The following CSMD2 variants were observed in gnomAD, a reference collection of about 807,000 sequenced individuals.
CSMD2 encodes CUB and Sushi multiple domains 2.
In CSMD2, 130 loss-of-function variants were observed where a neutral mutation model predicts 398.5. The observed-to-expected ratio is 0.33, with a 90% CI of 0.28 to 0.38. CSMD2 has a LOEUF of 0.38. Among genes scored for constraint, CSMD2 ranks in the 10% least tolerant of loss-of-function variants. The pLI is 1.00. For synonymous variants in CSMD2, 1,828 were observed against 1,908.5 expected (o/e 0.96, Z 1.10); for missense variants, 3,829 against 4,764.9 (o/e 0.80, Z 5.78).
chr1:33,796,134 C>A (rs1419309883), intron 10 of CSMD2, among the ~76,000 whole-genome samples: 4 of 152,226 alleles, frequency 2.6e-5, no homozygotes, highest in Non-Finnish European at 5.9e-5. Context: ...GGCCTGTAGG[C>A]TATAGTTTGC....
intron 3 of CSMD2, among the ~76,000 whole-genome samples, chr1:33,953,065 G>A (rs1294573840): frequency 1.3e-5 from 2 of 152,242 alleles, no homozygotes; most frequent in Non-Finnish European, 2.9e-5. Flanking sequence ...CACACAGCTA[G>A]ACAACCTTTC....
At chr1:33,976,025 C>G (rs568447328) in intron 3 of CSMD2, among the ~76,000 whole-genome samples, 2 of 152,214 alleles carry the variant, frequency 1.3e-5, no homozygotes, top group African/African-American at 4.8e-5. Flanking sequence ...GTTATATCCT[C>G]ACATATTTCA....
intron 2 of CSMD2, among the ~76,000 whole-genome samples, chr1:34,062,977 C>T (rs953784242): frequency 3.3e-5 from 5 of 152,134 alleles, no homozygotes; most frequent in African/African-American, 1.2e-4. Flanking sequence ...AAAGGCACTT[C>T]TTACATGGCG....
Position 33,866,286 on chromosome 1 carries a change from C to T in CSMD2, c.921-19290G>A, listed in dbSNP as rs533607549. Among the ~76,000 whole-genome samples, 8 of 152,296 alleles carry T rather than the reference C, an allele frequency of 5.3e-5. No homozygotes were observed. The East Asian group carries it at 1.2e-3, about 22-fold the overall frequency. On this transcript the variant is annotated intron_variant, in intron 5 of 70. Coordinates refer to ENST00000373381, the MANE Select transcript of CSMD2 (RefSeq NM_001281956.2). ...ACATTACGCACTACTGCTAAGTTCC[C>T]GCCCTATAAAAAATTTCCTTCTGAC...
intron 68 of CSMD2, among the ~76,000 whole-genome samples, chr1:33,520,548 C>T (rs931582647): frequency 2.0e-5 from 3 of 152,194 alleles, no homozygotes. Flanking sequence ...TTTTCTAAGG[C>T]CTTTGCAGCG....
At chr1:33,605,238 C>A in intron 42 of CSMD2, 44 bp downstream of exon 42, 1 of 1,576,806 alleles carries the variant, frequency 6.3e-7, no homozygotes, top group Non-Finnish European at 8.7e-7. Context: ...CCAGTCTCCA[C>A]GAGTACCCCA....
chr1:33,717,102 G>A (rs1295069150), intron 19 of CSMD2, among the ~76,000 whole-genome samples: 1 of 152,036 alleles, frequency 6.6e-6, no homozygotes. Context: ...AGTGTCCCAG[G>A]CAGGAGACCC....
rs549017762 is a variant in CSMD2, at chr1:33,726,567, G to C, written c.2487C>G (p.Pro829=). Residue 829 remains proline, a synonymous_variant, in exon 16 of 71, where the codon CCC becomes CCG. Coordinates refer to ENST00000373381, the MANE Select transcript of CSMD2 (RefSeq NM_001281956.2). ...AWVIEAQPGY[P]IKITFDRFKT... ...AGCACCTGTCGAAGGTGATTTTGAT[G>C]GGGTAGCCTGGCTGGGCCTCAATCA... 2.5e-6 allele frequency: 4 copies of C among 1,611,518 alleles called. No individual in the cohort carries two copies. Among genetic ancestry groups the C allele is most frequent in the African/African-American group, 1.3e-5 (1 of 75,014 alleles).
chr1:33,820,399 GC>G, intron 8 of CSMD2, 69 bp downstream of exon 8: 1 of 994,058 alleles, frequency 1.0e-6, no homozygotes. Context: ...AGGAAGGCCA[GC>G]CCCTGTCTTC....
At chr1:33,612,198 C>T (rs1447165224) in intron 40 of CSMD2, among the ~76,000 whole-genome samples, 4 of 152,180 alleles carry the variant, frequency 2.6e-5, no homozygotes, top group East Asian at 1.9e-4. Context: ...TAGTGATTAT[C>T]GCTGCACGAT....
At chr1:33,558,677 AG>A (rs1324958813) in intron 54 of CSMD2, among the ~76,000 whole-genome samples, 1 of 152,208 alleles carries the variant, frequency 6.6e-6, no homozygotes, top group African/African-American at 2.4e-5. Flanking sequence ...AGCCTCTAAA[AG>A]CGTTAGAAGC....
At chr1:33,554,192 T>G (rs1657742381) in intron 55 of CSMD2, among the ~76,000 whole-genome samples, 1 of 138,966 alleles carries the variant, frequency 7.2e-6, no homozygotes, top group Non-Finnish European at 1.6e-5. Flanking sequence ...AGCCTTTTTT[T>G]TTTTTTTTTT....
At position 33,690,394 on chromosome 1, in the gene CSMD2, C is replaced by T. The variant is rs979789244; in HGVS notation, c.4052+2536G>A. ...TTTTCCAGAATAACTTCTCCCATCT[C>T]CTCCTGTCCTGCTTTTTCATTCCCC... On this transcript the variant is annotated intron_variant, in intron 25 of 70. Transcript: ENST00000373381. Among the ~76,000 whole-genome samples the T allele has an allele frequency of 8.9e-4, 136 of 152,296 alleles. 1 individual carries two copies. Among genetic ancestry groups the T allele is most frequent in the African/African-American group, 3.1e-3 (128 of 41,564 alleles).
At chr1:33,523,547 A>G in intron 66 of CSMD2, 128 bp from the exon 67 acceptor site, 1 of 611,318 alleles carries the variant, frequency 1.6e-6, no homozygotes, top group Admixed American at 2.8e-5. Context: ...AACATTCTCC[A>G]CATCCCTTTA....
chr1:33,828,693 G>A (rs932426348), intron 6 of CSMD2, among the ~76,000 whole-genome samples: 10 of 152,088 alleles, frequency 6.6e-5, no homozygotes, highest in Non-Finnish European at 1.2e-4. Context: ...CTCTTCTCAC[G>A]GTTGCATTGA....
At chr1:33,804,677 A>G in intron 10 of CSMD2, 1 of 716,644 alleles carries the variant, frequency 1.4e-6, no homozygotes, top group Non-Finnish European at 2.6e-6. Flanking sequence ...CTTAGAGACT[A>G]TGCTTTTTGC....
chr1:33,691,422 T>C (rs1645236145), intron 25 of CSMD2, among the ~76,000 whole-genome samples: 1 of 152,172 alleles, frequency 6.6e-6, no homozygotes, highest in Admixed American at 6.5e-5. Flanking sequence ...CTGCTGACCT[T>C]ATTTTCCTCA....
chr1:33,855,815 T>G lies in CSMD2; in HGVS notation c.921-8819A>C, dbSNP rs1019397221. Among the ~76,000 whole-genome samples the G allele has an allele frequency of 2.6e-5, 4 of 152,134 alleles. No homozygotes were observed. The East Asian group carries it at 7.7e-4, about 29-fold the overall frequency. On this transcript the variant is annotated intron_variant, in intron 5 of 70. Transcript: ENST00000373381. ...CGTGGTGACTACAGCATATTCACAC[T>G]CAACTCTACTCAACCCTCTTCTTCT...
At position 33,636,662 on chromosome 1, in the gene CSMD2, G is replaced by T; in HGVS notation, c.4775-108C>A. On this transcript the variant is annotated intron_variant, in intron 29 of 70. Coordinates refer to ENST00000373381, the MANE Select transcript of CSMD2 (RefSeq NM_001281956.2). The surrounding 1 kb of genome is among the most constrained non-coding windows in gnomAD (Gnocchi z 4.8). ...GAACCCGACTTTAATTAGCCACAGA[G>T]CACACGGGGATGCGTGACTGTGGCT... 1.2e-6 allele frequency: 1 copy of T among 839,624 alleles called. No homozygotes were observed. Among genetic ancestry groups the T allele is most frequent in the Non-Finnish European group, 1.9e-6 (1 of 523,936 alleles). 52.0% of individuals were successfully genotyped at this position (839,624 alleles called of 1,614,324 possible). A position where few individuals can be genotyped will look rare whatever the true frequency, so the allele number is the denominator to read the frequency against.
Sources: allele counts gnomAD v4.1 joint callset (sites outside exome capture counted in the v4.1 genomes callset), GRCh38; gene constraint gnomAD v4.1.1; non-coding constraint Gnocchi (gnomAD v3.1); transcripts MANE v1.5; gene names NCBI Gene and HGNC (gene_info 2026-07-23, HGNC 2026-07-21).